The following FRYL variants were observed in gnomAD, a reference collection of about 807,000 sequenced individuals.
FRYL encodes the protein FRY like transcription coactivator, also known as protein furry homolog-like.
In FRYL, 150 loss-of-function variants were observed where a neutral mutation model predicts 351.2. That is an observed-to-expected ratio of 0.43 (90% CI 0.37 to 0.49). The LOEUF is 0.49. Ranked by LOEUF, FRYL falls within the 20% of genes least tolerant of loss-of-function variation. The pLI is 0.00. For missense variants in FRYL, 3,036 were observed against 3,619.3 expected, an observed-to-expected ratio of 0.84 and a Z score of 4.13; for synonymous variants, 1,153 against 1,257.1, an observed-to-expected ratio of 0.92 and a Z score of 1.75.
At chr4:48,694,548 C>T (rs1578744991) in intron 2 of FRYL, among the ~76,000 whole-genome samples, 1 of 152,000 alleles carries the variant, frequency 6.6e-6, no homozygotes, top group African/African-American at 2.4e-5. Context: ...CCACTTGCCT[C>T]GGCCTCCCAA....
intron 1 of FRYL, among the ~76,000 whole-genome samples, chr4:48,737,353 ATGCTT>A (rs1230639882): frequency 1.3e-5 from 2 of 152,176 alleles, no homozygotes; most frequent in African/African-American, 4.8e-5. Context: ...ACTATGAACA[ATGCTT>A]TGCTCATGAA....
intron 3 of FRYL, among the ~76,000 whole-genome samples, chr4:48,672,682 C>G (rs1438697476): frequency 1.3e-5 from 2 of 152,176 alleles, no homozygotes; most frequent in African/African-American, 4.8e-5. Flanking sequence ...TTTTTTATCA[C>G]TTCTGAATTC....
intron 45 of FRYL, among the ~76,000 whole-genome samples, chr4:48,541,251 T>C (rs952593745): frequency 1.3e-5 from 2 of 152,188 alleles, no homozygotes; most frequent in African/African-American, 4.8e-5. Context: ...GATTTAGGCA[T>C]ACATTATGTC....
At chr4:48,712,279 G>A (rs1768158348) in intron 1 of FRYL, among the ~76,000 whole-genome samples, 1 of 152,134 alleles carries the variant, frequency 6.6e-6, no homozygotes, top group Admixed American at 6.5e-5. Flanking sequence ...CGAGATACAG[G>A]AGGAAATTCA....
intron 1 of FRYL, among the ~76,000 whole-genome samples, chr4:48,739,400 CAA>C (rs1370572101): frequency 1.8e-4 from 6 of 33,616 alleles, no homozygotes; most frequent in Non-Finnish European, 3.0e-4. Flanking sequence ...GACTCCGTCT[CAA>C]AAAAAAAAAA....
intron 3 of FRYL, among the ~76,000 whole-genome samples, chr4:48,654,861 A>G (rs75636746): frequency 0.063 from 9,611 of 152,326 alleles, 434 homozygotes; most frequent in Non-Finnish European, 0.1. Context: ...TGAACAAATA[A>G]TATGTCATTA....
chr4:48,589,543 T>C (rs1263120449), intron 18 of FRYL, among the ~76,000 whole-genome samples: 2 of 151,868 alleles, frequency 1.3e-5, no homozygotes, highest in Non-Finnish European at 2.9e-5. Context: ...GGATCTAGAG[T>C]GAGTTTTGCT....
rs1257224331 is a variant in FRYL at position 48,556,961 on chromosome 4, T to C, written c.4266+17A>G. On this transcript the variant is annotated intron_variant, in intron 35 of 63. Transcript: ENST00000358350. Reference sequence around the variant, plus strand: ...TATATACATATATTTTAAAATTAAATGAACTTGAATACATACGTAAGGCAA... The same window carrying C: ...TATATACATATATTTTAAAATTAAACGAACTTGAATACATACGTAAGGCAA... The C allele has an allele frequency of 5.9e-6, 9 of 1,530,188 alleles. No homozygotes were observed. Among genetic ancestry groups the C allele is most frequent in the Admixed American group, 1.9e-5 (1 of 53,272 alleles). The allele number at this position is 1,530,188 out of a possible 1,614,324, so 94.8% of individuals were successfully genotyped here.
chr4:48,675,264 C>A (rs1763409656), intron 3 of FRYL, among the ~76,000 whole-genome samples: 1 of 152,222 alleles, frequency 6.6e-6, no homozygotes, highest in Non-Finnish European at 1.5e-5. Context: ...TTTCAGCCCA[C>A]CACTGCACTG....
At chr4:48,717,937 A>C (rs1769048335) in intron 1 of FRYL, among the ~76,000 whole-genome samples, 1 of 151,572 alleles carries the variant, frequency 6.6e-6, no homozygotes, top group South Asian at 2.1e-4. Context: ...TAACTTCCTA[A>C]CTACTAACCA....
At chr4:48,545,102 A>G (rs1158148383) in intron 42 of FRYL, among the ~76,000 whole-genome samples, 198 bp from the exon 43 acceptor site, 1 of 152,226 alleles carries the variant, frequency 6.6e-6, no homozygotes, top group East Asian at 1.9e-4. Flanking sequence ...AGTGTCTAGC[A>G]ACAGACCAGT....
chr4:48,764,208 A>G lies in FRYL; in HGVS notation c.-384+15870T>C, dbSNP rs371962153. ...TAAATAAATAAATTAAATTCAGTTA[A>G]GTTGCAAGATACAAAATCAACAGAC... is the stretch of plus-strand genomic sequence containing the variant. On this transcript the variant is annotated intron_variant, in intron 1 of 63. Coordinates refer to ENST00000358350, the MANE Select transcript of FRYL (RefSeq NM_015030.2). 9.2e-5 allele frequency among the ~76,000 whole-genome samples: 14 copies of G among 152,196 alleles called. No individual in the cohort carries two copies. The South Asian group carries it at 1.9e-3, about 20-fold the overall frequency.
chr4:48,535,866 A>G (rs752099716), intron 47 of FRYL, 39 bp from the exon 48 acceptor site: 2 of 1,391,590 alleles, frequency 1.4e-6, no homozygotes, highest in South Asian at 3.6e-5. Flanking sequence ...ACCTAAAATA[A>G]AGACACAAGT....
At chr4:48,564,844 A>G in intron 30 of FRYL, 89 bp downstream of exon 30, 1 of 651,720 alleles carries the variant, frequency 1.5e-6, no homozygotes, top group South Asian at 2.6e-5. Flanking sequence ...TTATTTTTTT[A>G]AAAGACTTGT....
intron 3 of FRYL, among the ~76,000 whole-genome samples, chr4:48,656,102 T>C (rs1245680997): frequency 1.8e-5 from 2 of 112,378 alleles, no homozygotes; most frequent in African/African-American, 5.7e-5. Context: ...AATGTATATA[T>C]TGTATACATA....
chr4:48,603,431 T>A (rs769754332), intron 11 of FRYL, 43 bp from the exon 12 acceptor site: 9 of 1,190,686 alleles, frequency 7.6e-6, no homozygotes, highest in Non-Finnish European at 1.1e-5. Flanking sequence ...ATACAGATGT[T>A]AGATTAAACT....
At chr4:48,533,853 CAA>C (rs1728271248) in intron 49 of FRYL, among the ~76,000 whole-genome samples, 1 of 152,162 alleles carries the variant, frequency 6.6e-6, no homozygotes, top group Admixed American at 6.5e-5. Context: ...GCAAACTCTT[CAA>C]AGAGGTTTTC....
At chr4:48,752,540 TCA>T (rs1773353653) in intron 1 of FRYL, among the ~76,000 whole-genome samples, 1 of 152,226 alleles carries the variant, frequency 6.6e-6, no homozygotes, top group Admixed American at 6.6e-5. Flanking sequence ...CCATGAATGA[TCA>T]CATTGATAAA....
intron 1 of FRYL, among the ~76,000 whole-genome samples, chr4:48,719,042 C>T (rs1266144105): frequency 3.3e-5 from 5 of 151,562 alleles, no homozygotes; most frequent in African/African-American, 4.8e-5. Context: ...GATCTTTGGC[C>T]TCCCCTCTCT....
Sources: allele counts gnomAD v4.1 joint callset (sites outside exome capture counted in the v4.1 genomes callset), GRCh38; gene constraint gnomAD v4.1.1; transcripts MANE v1.5; gene names NCBI Gene and HGNC (gene_info 2026-07-23, HGNC 2026-07-21).